The following CAMK1D variants were observed in gnomAD, a reference collection of about 807,000 sequenced individuals.
The protein encoded by CAMK1D is calcium/calmodulin-dependent protein kinase type 1D.
A neutral mutation model predicts 47.7 loss-of-function variants in CAMK1D; 9 were observed. The observed-to-expected ratio is 0.19, with a 90% CI of 0.11 to 0.33. CAMK1D has a LOEUF of 0.33. CAMK1D is among the 10% of genes least tolerant of loss of function. The pLI is 1.00. For synonymous variants in CAMK1D, 184 were observed against 184.9 expected, an observed-to-expected ratio of 0.99 and a Z score of 0.04; for missense variants, 291 against 488.7, an observed-to-expected ratio of 0.60 and a Z score of 3.81.
chr10:12,531,325 C>T (rs369355665), intron 1 of CAMK1D, among the ~76,000 whole-genome samples: 43 of 152,316 alleles, frequency 2.8e-4, no homozygotes, highest in African/African-American at 1.0e-3. Flanking sequence ...AGGCTGGCTC[C>T]AAGAGGCTTC....
intron 2 of CAMK1D, among the ~76,000 whole-genome samples, chr10:12,560,327 C>T (rs1004333507): frequency 1.3e-5 from 2 of 151,912 alleles, no homozygotes; most frequent in South Asian, 2.1e-4. Flanking sequence ...GCGAGGCGGG[C>T]GGATCACCTG....
chr10:12,657,559 T>C (rs1191066976), intron 2 of CAMK1D, among the ~76,000 whole-genome samples: 1 of 152,246 alleles, frequency 6.6e-6, no homozygotes, highest in Non-Finnish European at 1.5e-5. Flanking sequence ...ACATTTATTG[T>C]CTACACTAAA....
intron 2 of CAMK1D, among the ~76,000 whole-genome samples, chr10:12,641,589 A>G (rs1839667351): frequency 6.6e-6 from 1 of 151,748 alleles, no homozygotes. Context: ...ACTGCATTCC[A>G]GCCTGGGTGG....
intron 2 of CAMK1D, among the ~76,000 whole-genome samples, chr10:12,597,622 G>A (rs935196168): frequency 1.3e-5 from 2 of 152,170 alleles, no homozygotes; most frequent in African/African-American, 4.8e-5. Flanking sequence ...CCCTCATTGA[G>A]GGCGTTGTGG....
intron 1 of CAMK1D, among the ~76,000 whole-genome samples, chr10:12,550,922 T>C (rs1836556113): frequency 6.6e-6 from 1 of 152,230 alleles, no homozygotes; most frequent in African/African-American, 2.4e-5. Flanking sequence ...TTCCTCTCAC[T>C]GGAAAGGATT....
At chr10:12,516,185 C>T (rs1446109738) in intron 1 of CAMK1D, among the ~76,000 whole-genome samples, 1 of 152,180 alleles carries the variant, frequency 6.6e-6, no homozygotes, top group African/African-American at 2.4e-5. Context: ...TCTTGATTTA[C>T]TGCAAGCTCT....
At chr10:12,370,311 T>C (rs1387475109) in intron 1 of CAMK1D, among the ~76,000 whole-genome samples, 1 of 151,394 alleles carries the variant, frequency 6.6e-6, no homozygotes, top group East Asian at 2.0e-4. Context: ...GTGCAGCACC[T>C]AATACTTGAT....
chr10:12,596,233 G>A (rs1326915218), intron 2 of CAMK1D, among the ~76,000 whole-genome samples: 2 of 152,098 alleles, frequency 1.3e-5, no homozygotes, highest in African/African-American at 4.8e-5. Flanking sequence ...GAGCATTAAA[G>A]GATTCATGAG....
intron 1 of CAMK1D, among the ~76,000 whole-genome samples, chr10:12,397,568 G>A (rs1839006178): frequency 6.6e-6 from 1 of 152,172 alleles, no homozygotes; most frequent in African/African-American, 2.4e-5. Flanking sequence ...CTTCCGCTGT[G>A]CCGTCCTTGA....
chr10:12,722,446 CAAAAAAAA>C (rs55809900), intron 3 of CAMK1D, among the ~76,000 whole-genome samples: 35 of 48,622 alleles, frequency 7.2e-4, no homozygotes, highest in African/African-American at 2.1e-3. Context: ...GACTCCGCCT[CAAAAAAAA>C]AAAAAAAAAA....
intron 1 of CAMK1D, among the ~76,000 whole-genome samples, chr10:12,464,304 C>CAA (rs1196392470): frequency 1.3e-5 from 2 of 152,150 alleles, no homozygotes; most frequent in African/African-American, 4.8e-5. Context: ...TCCTCTCCTT[C>CAA]AGTAGCTCTT....
intron 2 of CAMK1D, among the ~76,000 whole-genome samples, chr10:12,646,831 T>A (rs1403726058): frequency 1.3e-5 from 2 of 152,156 alleles, no homozygotes; most frequent in Non-Finnish European, 2.9e-5. Context: ...TTATTTATTT[T>A]TATTTTTAAT....
chr10:12,413,129 C>T (rs1038642677), intron 1 of CAMK1D, among the ~76,000 whole-genome samples: 5 of 152,132 alleles, frequency 3.3e-5, no homozygotes, highest in Non-Finnish European at 5.9e-5. Flanking sequence ...GCAGGCTGTA[C>T]AGGAAGCATG....
intron 5 of CAMK1D, among the ~76,000 whole-genome samples, chr10:12,785,731 G>A (rs556275467): frequency 8.5e-5 from 13 of 152,322 alleles, no homozygotes; most frequent in African/African-American, 3.1e-4. Flanking sequence ...AACACTGGCC[G>A]GTTCGGCTGG....
chr10:12,375,933 T>C (rs1838163941), intron 1 of CAMK1D, among the ~76,000 whole-genome samples: 1 of 151,802 alleles, frequency 6.6e-6, no homozygotes, highest in African/African-American at 2.4e-5. Context: ...GAGGCTGAGG[T>C]GGGCAGATCA....
At chr10:12,768,524 G>T (rs547593713) in intron 4 of CAMK1D, among the ~76,000 whole-genome samples, 1 of 152,226 alleles carries the variant, frequency 6.6e-6, no homozygotes, top group South Asian at 2.1e-4. Context: ...TTCGTGCTGC[G>T]CTCCCTTTAA....
intron 2 of CAMK1D, among the ~76,000 whole-genome samples, chr10:12,651,614 C>A (rs1363286101): frequency 6.6e-6 from 1 of 151,750 alleles, no homozygotes; most frequent in Non-Finnish European, 1.5e-5. Context: ...GTTGTCCAGG[C>A]TGGTCTCAAA....
chr10:12,489,371 A>G (rs1293132376), intron 1 of CAMK1D, among the ~76,000 whole-genome samples: 1 of 152,212 alleles, frequency 6.6e-6, no homozygotes, highest in East Asian at 1.9e-4. Flanking sequence ...GAAGCCAGGC[A>G]GGAGAGGAGG....
chr10:12,527,627 C>G (rs534564854), intron 1 of CAMK1D, among the ~76,000 whole-genome samples: 1 of 152,130 alleles, frequency 6.6e-6, no homozygotes, highest in African/African-American at 2.4e-5. Context: ...CCGCCTGCCT[C>G]GGCTTCCCGA....
Sources: allele counts gnomAD v4.1 joint callset (sites outside exome capture counted in the v4.1 genomes callset), GRCh38; gene constraint gnomAD v4.1.1; transcripts MANE v1.5; gene names NCBI Gene and HGNC (gene_info 2026-07-23, HGNC 2026-07-21).